Variants in OSBPL10 observed in about 807,000 individuals in gnomAD.
OSBPL10 encodes the protein oxysterol-binding protein-related protein 10.
OSBPL10 carries 49 observed loss-of-function variants against 81.7 expected under a neutral mutation model. The ratio of observed to expected loss-of-function variants is 0.60; its 90% CI spans 0.48 to 0.76. OSBPL10 has a LOEUF of 0.76. Among genes scored for constraint, OSBPL10 ranks in the 30% least tolerant of loss-of-function variants. OSBPL10 has a pLI of 0.00. For missense variants in OSBPL10, 923 were observed against 987.8 expected (o/e 0.93, Z 0.88); for synonymous variants, 419 against 383.6 (o/e 1.09, Z -1.08).
chr3:31,907,953 G>A (rs1382130979), intron 1 of OSBPL10, among the ~76,000 whole-genome samples: 1 of 152,188 alleles, frequency 6.6e-6, no homozygotes, highest in Non-Finnish European at 1.5e-5. Context: ...CAGTGTTGGA[G>A]GCTGGGAAAA....
chr3:32,069,470 A>T (rs1699808942), intron 1 of OSBPL10, among the ~76,000 whole-genome samples: 1 of 152,142 alleles, frequency 6.6e-6, no homozygotes, highest in Non-Finnish European at 1.5e-5. Context: ...GTTAATTATG[A>T]CAAACTTAAA....
chr3:31,733,117 T>G, intron 6 of OSBPL10, 140 bp downstream of exon 6: 1 of 1,192,478 alleles, frequency 8.4e-7, no homozygotes, highest in Admixed American at 2.8e-5. Flanking sequence ...TAGCTGATTT[T>G]GTCTCTCCAG....
At chr3:31,684,943 G>A (rs186438206) in intron 7 of OSBPL10, among the ~76,000 whole-genome samples, 6 of 152,236 alleles carry the variant, frequency 3.9e-5, no homozygotes, top group South Asian at 2.1e-4. Context: ...GTAGAGGCCC[G>A]GATAACTCTG....
At chr3:31,882,702 C>T (rs1159733724) in intron 1 of OSBPL10, among the ~76,000 whole-genome samples, 3 of 152,240 alleles carry the variant, frequency 2.0e-5, no homozygotes, top group East Asian at 3.9e-4. Flanking sequence ...GGAATGGAGA[C>T]AACCTACAGC....
chr3:32,028,442 T>C (rs1020534836), intron 2 of OSBPL10, among the ~76,000 whole-genome samples: 3 of 152,244 alleles, frequency 2.0e-5, no homozygotes, highest in African/African-American at 4.8e-5. Context: ...TCATCTTGGC[T>C]CTTTACTTCA....
Position 31,820,000 on chromosome 3 carries a change from C to T in OSBPL10, c.729+10040G>A, listed in dbSNP as rs137921894. On this transcript the variant is annotated intron_variant, in intron 4 of 11. Coordinates refer to ENST00000396556, the MANE Select transcript of OSBPL10 (RefSeq NM_017784.5). ...TAGCCCCCACAATCATATAAGCCAA[C>T]TCCCCCTAATAAATCTCTTAATGTA... 2.9e-3 allele frequency among the ~76,000 whole-genome samples: 448 copies of T among 152,296 alleles called. 1 individual carries two copies. Among genetic ancestry groups the T allele is most frequent in the African/African-American group, 9.8e-3 (407 of 41,558 alleles).
At chr3:31,994,981 A>T (rs1174519599) in intron 2 of OSBPL10, among the ~76,000 whole-genome samples, 1 of 152,172 alleles carries the variant, frequency 6.6e-6, no homozygotes, top group Non-Finnish European at 1.5e-5. Context: ...CCGCAAAACC[A>T]GTAAGTTTTT....
At chr3:32,049,122 A>T (rs920349696) in intron 1 of OSBPL10, among the ~76,000 whole-genome samples, 1 of 152,232 alleles carries the variant, frequency 6.6e-6, no homozygotes, top group South Asian at 2.1e-4. Context: ...CTTAACATAT[A>T]GTCAAGAAAT....
intron 3 of OSBPL10, among the ~76,000 whole-genome samples, chr3:31,865,947 G>A (rs1701168301): frequency 6.6e-6 from 1 of 152,094 alleles, no homozygotes; most frequent in African/African-American, 2.4e-5. Flanking sequence ...TGTTGGGCTG[G>A]ATGACTTCTG....
At chr3:31,905,113 T>C (rs1250718498) in intron 1 of OSBPL10, among the ~76,000 whole-genome samples, 1 of 152,136 alleles carries the variant, frequency 6.6e-6, no homozygotes, top group African/African-American at 2.4e-5. Flanking sequence ...AATATGTCTG[T>C]CAAATATTAA....
intron 6 of OSBPL10, among the ~76,000 whole-genome samples, chr3:31,723,016 T>C (rs7613225): frequency 0.092 from 14,027 of 152,270 alleles, 1,595 homozygotes; most frequent in African/African-American, 0.27. Context: ...TGATACACTG[T>C]TCTCAACTGC....
intron 3 of OSBPL10, among the ~76,000 whole-genome samples, chr3:31,875,727 A>G (rs1169936704): frequency 6.6e-6 from 1 of 152,208 alleles, no homozygotes; most frequent in Admixed American, 6.5e-5. Context: ...TACAGGATGC[A>G]TGGAATACAG....
At chr3:31,925,552 C>G (rs1697048920) in intron 1 of OSBPL10, among the ~76,000 whole-genome samples, 1 of 151,846 alleles carries the variant, frequency 6.6e-6, no homozygotes, top group South Asian at 2.1e-4. Flanking sequence ...GTGGCTCACG[C>G]CTGTAATCCC....
intron 1 of OSBPL10, among the ~76,000 whole-genome samples, chr3:31,975,620 G>A (rs1375364449): frequency 6.6e-6 from 1 of 152,130 alleles, no homozygotes; most frequent in African/African-American, 2.4e-5. Context: ...GTCACAGGAA[G>A]AGTCATACTC....
chr3:31,833,878 A>G (rs1422730434), intron 3 of OSBPL10, among the ~76,000 whole-genome samples: 2 of 152,228 alleles, frequency 1.3e-5, no homozygotes, highest in Non-Finnish European at 2.9e-5. Context: ...GAGCAAAATT[A>G]TTCCACGGTG....
chr3:31,976,656 C>T (rs958586324), intron 1 of OSBPL10, among the ~76,000 whole-genome samples: 1 of 152,070 alleles, frequency 6.6e-6, no homozygotes, highest in Non-Finnish European at 1.5e-5. Flanking sequence ...AGGGTTTCAC[C>T]ATGGTTCCCA....
At chr3:31,664,418 C>T in intron 10 of OSBPL10, 186 bp from the exon 11 acceptor site, 1 of 615,824 alleles carries the variant, frequency 1.6e-6, no homozygotes, top group Non-Finnish European at 2.8e-6. Flanking sequence ...AGCTCCACCT[C>T]TGTGTTGTTT....
At chr3:31,809,554 C>G (rs895605780) in intron 4 of OSBPL10, among the ~76,000 whole-genome samples, 1 of 152,038 alleles carries the variant, frequency 6.6e-6, no homozygotes, top group Non-Finnish European at 1.5e-5. Flanking sequence ...GTGGTGGACA[C>G]GGAGGTTTTA....
intron 6 of OSBPL10, chr3:31,703,994 A>ATTCTACACT (rs1695979615): frequency 6.6e-6 from 1 of 152,162 alleles, no homozygotes; most frequent in African/African-American, 2.4e-5. Flanking sequence ...CTGAGCTGTG[A>ATTCTACACT]GCTACCCTGA....
Sources: allele counts gnomAD v4.1 joint callset (sites outside exome capture counted in the v4.1 genomes callset), GRCh38; gene constraint gnomAD v4.1.1; transcripts MANE v1.5; gene names NCBI Gene and HGNC (gene_info 2026-07-23, HGNC 2026-07-21).